USP43: variants seen among roughly 807,000 people sequenced by gnomAD.
The protein encoded by USP43 is ubiquitin carboxyl-terminal hydrolase 43.
A neutral mutation model predicts 90.7 loss-of-function variants in USP43; 33 were observed. The observed-to-expected ratio is 0.36, with a 90% CI of 0.28 to 0.49. The LOEUF (loss-of-function observed/expected upper bound fraction) is 0.49. USP43 is among the 20% of genes least tolerant of loss of function. USP43 has a pLI of 0.98. For synonymous variants in USP43, 598 were observed against 615.8 expected (o/e 0.97, Z 0.43); for missense variants, 1,274 against 1,476.4 (o/e 0.86, Z 2.25).
intron 3 of USP43, among the ~76,000 whole-genome samples, chr17:9,667,937 G>A (rs1913152360): frequency 6.6e-6 from 1 of 152,156 alleles, no homozygotes; most frequent in African/African-American, 2.4e-5. Flanking sequence ...TTTTTCTACA[G>A]ACACATGGTA....
At chr17:9,683,020 G>A in intron 7 of USP43, 62 bp downstream of exon 7, 2 of 1,571,038 alleles carry the variant, frequency 1.3e-6, no homozygotes, top group South Asian at 2.3e-5. Context: ...GTACTTGGGA[G>A]CCTGTCTAGA....
intron 2 of USP43, among the ~76,000 whole-genome samples, chr17:9,659,808 A>T (rs1032832433): frequency 6.7e-6 from 1 of 149,104 alleles, no homozygotes; most frequent in Admixed American, 6.6e-5. Context: ...AGCAAACTCA[A>T]CTCTGTAACA....
chr17:9,714,799 G>A (rs1208304795), intron 14 of USP43, among the ~76,000 whole-genome samples: 1 of 152,092 alleles, frequency 6.6e-6, no homozygotes, highest in Non-Finnish European at 1.5e-5. Context: ...AGCCAGTGAG[G>A]GGAAGAAAAC....
chr17:9,691,582 T>G (rs1182084616), intron 8 of USP43, among the ~76,000 whole-genome samples: 1 of 152,162 alleles, frequency 6.6e-6, no homozygotes, highest in African/African-American at 2.4e-5. Flanking sequence ...TTGCGACTCT[T>G]AGATATACAC....
In USP43 at chr17:9,682,976, C is replaced by A. The variant is rs1229322951; in HGVS notation, c.1241+18C>A. ...GCTAGCAGGTATGTTTCACTTTATT[C>A]TTTTTTCATGTGGTGTCTGGGATTT... On this transcript the variant is annotated intron_variant, in intron 7 of 14. Coordinates refer to ENST00000285199, the MANE Select transcript of USP43 (RefSeq NM_153210.5). 6.2e-7 allele frequency: 1 copy of A among 1,609,832 alleles called. No individual in the cohort carries two copies. Among genetic ancestry groups the A allele is most frequent in the Non-Finnish European group, 8.5e-7 (1 of 1,176,938 alleles).
intron 9 of USP43, among the ~76,000 whole-genome samples, chr17:9,694,216 T>C (rs1208370261): frequency 6.6e-6 from 1 of 152,172 alleles, no homozygotes; most frequent in Non-Finnish European, 1.5e-5. Context: ...GAGATGGGCC[T>C]TTCCCCTTGT....
chr17:9,668,532 A>G (rs1913190859), intron 3 of USP43, among the ~76,000 whole-genome samples: 1 of 152,236 alleles, frequency 6.6e-6, no homozygotes, highest in Non-Finnish European at 1.5e-5. Flanking sequence ...CCACTGGTGA[A>G]GAAAAATCTA....
chr17:9,647,061 C>CAAAAAAAAAA (rs11305216), intron 1 of USP43: 36 of 79,728 alleles, frequency 4.5e-4, no homozygotes, highest in East Asian at 1.7e-3. Context: ...TTGCTTCCTG[C>CAAAAAAAAAA]AAAAAAAAAA....
At chr17:9,659,882 G>A (rs564463418) in intron 2 of USP43, among the ~76,000 whole-genome samples, 7 of 152,300 alleles carry the variant, frequency 4.6e-5, no homozygotes, top group Admixed American at 6.5e-5. Flanking sequence ...GAGAACGGCT[G>A]TCCTGTTCAT....
rs1156460406 is a variant in USP43, at chr17:9,656,454, G to A, written c.556G>A (p.Ala186Thr). 3.1e-6 allele frequency: 5 copies of A among 1,610,360 alleles called. No individual in the cohort carries two copies. Among genetic ancestry groups the A allele is most frequent in the Admixed American group, 1.7e-5 (1 of 59,498 alleles). The change falls in exon 2 of 15, where the codon GCC becomes ACC. Residue 186 changes from alanine (A) to threonine (T), a missense_variant. Physicochemically the swap from Ala to Thr is moderately conservative, Grantham distance 58. Transcript: ENST00000285199. ...SQFQGNSQHD[A>T]LEFLLWLLDR... is the part of the protein sequence containing the mutation. ...GTTCCAAGGCAATTCCCAGCACGACGCCCTGGAATTCCTGCTCTGGTTGCT... is the reference window on the plus strand; with the variant it reads ...GTTCCAAGGCAATTCCCAGCACGACACCCTGGAATTCCTGCTCTGGTTGCT...
At chr17:9,722,579 G>A (rs562454088) in intron 14 of USP43, among the ~76,000 whole-genome samples, 1 of 152,194 alleles carries the variant, frequency 6.6e-6, no homozygotes, top group South Asian at 2.1e-4. Flanking sequence ...AAGTTTTGCC[G>A]CTCAGGTCAC....
At chr17:9,675,809 A>T (rs1428804144) in intron 4 of USP43, among the ~76,000 whole-genome samples, 1 of 152,206 alleles carries the variant, frequency 6.6e-6, no homozygotes, top group Non-Finnish European at 1.5e-5. Context: ...AACATGGCTT[A>T]TGCTGTCTAT....
At chr17:9,676,037 C>T (rs374328398) in intron 4 of USP43, among the ~76,000 whole-genome samples, 21 of 152,116 alleles carry the variant, frequency 1.4e-4, no homozygotes, top group African/African-American at 4.8e-4. Context: ...CTTCATATGC[C>T]GGTGGGAAGG....
intron 14 of USP43, among the ~76,000 whole-genome samples, chr17:9,717,272 T>C (rs919593117): frequency 1.3e-5 from 2 of 151,980 alleles, no homozygotes; most frequent in Non-Finnish European, 2.9e-5. Flanking sequence ...CCAGTAGTCC[T>C]GTTATGAACA....
In USP43 at chr17:9,704,634, T is replaced by C. The variant is rs558065688; in HGVS notation, c.2011+2934T>C. Among the ~76,000 whole-genome samples the C allele has an allele frequency of 2.6e-5, 4 of 152,230 alleles. No homozygotes were observed. In the East Asian group the frequency reaches 7.7e-4, roughly 29 times the overall value. Reference sequence around the variant, plus strand: ...GCCTGGCCTAGTCTTAGGTTTCTTTTTCAGAGCATCCTGGTTTTGTTTTGG... The same window carrying C: ...GCCTGGCCTAGTCTTAGGTTTCTTTCTCAGAGCATCCTGGTTTTGTTTTGG... On this transcript the variant is annotated intron_variant, in intron 12 of 14. Coordinates refer to ENST00000285199, the MANE Select transcript of USP43 (RefSeq NM_153210.5).
At chr17:9,706,631 ATTTTTTTTTTTTTTT>A (rs34165346) in intron 12 of USP43, among the ~76,000 whole-genome samples, 76 of 84,474 alleles carry the variant, frequency 9.0e-4, no homozygotes, top group African/African-American at 3.7e-3. Context: ...TCAGATATTA[ATTTTTTTTTTTTTTT>A]TTTTTTTTTT....
intron 14 of USP43, among the ~76,000 whole-genome samples, chr17:9,720,002 G>A (rs1916839655): frequency 6.6e-6 from 1 of 152,120 alleles, no homozygotes. Flanking sequence ...AAGAAGTGGA[G>A]GTTGCACTGA....
chr17:9,699,895 C>T (rs1373926547), intron 9 of USP43, among the ~76,000 whole-genome samples: 2 of 152,182 alleles, frequency 1.3e-5, no homozygotes, highest in African/African-American at 2.4e-5. Flanking sequence ...TGCAGTGGAA[C>T]AGCTGATCTA....
Position 9,712,140 on chromosome 17 carries a change from G to A in USP43, c.2335+8G>A. 6.4e-7 allele frequency: 1 copy of A among 1,551,602 alleles called. No individual in the cohort carries two copies. The stretch of plus-strand genomic sequence containing the variant: ...TCTGCAATCAGGAAAAGGGTATGTT[G>A]GTTAAATGTGCTTGGTTGATTTTCA... On this transcript the variant is annotated splice_region_variant and intron_variant, in intron 14 of 14. Coordinates refer to ENST00000285199, the MANE Select transcript of USP43 (RefSeq NM_153210.5).
Sources: gnomAD v4.1 joint callset for allele counts (sites outside exome capture counted in the v4.1 genomes callset) on GRCh38, gnomAD v4.1.1 for gene constraint, MANE v1.5 for transcripts, NCBI Gene and HGNC (gene_info 2026-07-23, HGNC 2026-07-21) for gene names.